The following KRT26 variants were observed in gnomAD, a reference collection of about 807,000 sequenced individuals.
The protein encoded by KRT26 is keratin, type I cytoskeletal 26.
Under a neutral mutation model 46.1 loss-of-function variants are expected in KRT26, and 45 were observed. The observed-to-expected ratio is 0.98, with a 90% CI of 0.77 to 1.25. KRT26 has a LOEUF of 1.25. KRT26 is among the 50% of genes most tolerant of loss of function. The pLI, the probability that KRT26 is intolerant of heterozygous loss-of-function variation, is 0.00. For missense variants in KRT26, 582 were observed against 560.1 expected, an observed-to-expected ratio of 1.04 and a Z score of -0.39; for synonymous variants, 191 against 209.9, an observed-to-expected ratio of 0.91 and a Z score of 0.78.
chr17:40,770,089 TC>T lies in KRT26; in HGVS notation c.714del (p.Asn239ThrfsTer2), dbSNP rs1007245915. 1.9e-6 allele frequency: 3 copies of T among 1,614,022 alleles called. No homozygotes were observed. Among genetic ancestry groups the T allele is most frequent in the Non-Finnish European group, 8.5e-7 (1 of 1,179,986 alleles). On this transcript the variant is annotated frameshift_variant, in exon 4 of 8. Coordinates refer to ENST00000335552, the Ensembl canonical transcript of KRT26. LOFTEE classifies it high-confidence loss of function. ...GTTGCATTCATCTCCACGTTCACGTTCCCCCCAGCTGTATATTGCAAGACTT... is the reference window on the plus strand; with the variant it reads ...GTTGCATTCATCTCCACGTTCACGTTCCCCCAGCTGTATATTGCAAGACTT...
chr17:40,767,699 G>C (rs774915568), intron 6 of KRT26, 46 bp from the exon 7 acceptor site: 1 of 1,095,930 alleles, frequency 9.1e-7, no homozygotes, highest in Admixed American at 2.0e-5. Context: ...TCTTTCCTTA[G>C]TGAGCTTATA....
chr17:40,770,389 A>G lies in KRT26; in HGVS notation c.545T>C (p.Leu182Pro), dbSNP rs2038213305. The change falls in exon 3 of 8, where the codon CTG (leucine) becomes CCG (proline). Residue 182 changes from leucine to proline, a missense_variant. Physicochemically the swap from Leu to Pro is moderately conservative, Grantham distance 98. Transcript: ENST00000335552. ...GGTGTCGGCCTCAACACTGTGGTGC[A>G]GAGCCAGCTCATTTTCATACCTGAA... 3.8e-6 allele frequency: 6 copies of G among 1,598,258 alleles called. No homozygotes were observed. In the South Asian group the frequency reaches 6.8e-5, roughly 18 times the overall value.
exon 6 of KRT26, chr17:40,769,016 C>T (rs769673190): frequency 6.2e-7 from 1 of 1,613,962 alleles, no homozygotes; most frequent in Non-Finnish European, 8.5e-7. Context: ...CCTCCATCAC[C>T]CCTATCTGAT....
At chr17:40,769,844 C>T (rs1164590318) in exon 5 of KRT26, 2 of 1,614,070 alleles carry the variant, frequency 1.2e-6, no homozygotes, top group African/African-American at 1.3e-5. Flanking sequence ...TGGCTGCTCC[C>T]TCATGATCGG....
At position 40,771,246 on chromosome 17, in the gene KRT26, G is replaced by A. The variant is rs1252247989; in HGVS notation, c.442-10C>T. The stretch of plus-strand genomic sequence containing the variant: ...TGGTCGCAGAAATAATCTAAATAGG[G>A]AAGATTGTGAAAAATGTTAATTACC... On this transcript the variant is annotated splice_polypyrimidine_tract_variant and intron_variant, in intron 1 of 7. Transcript: ENST00000335552. 2 of 1,504,962 alleles carry A rather than the reference G, an allele frequency of 1.3e-6. No homozygotes were observed. The highest frequency in any genetic ancestry group is 1.8e-6 in the Non-Finnish European group (2 of 1,088,798). The allele number at this position is 1,504,962 out of a possible 1,614,324, so 93.2% of individuals were successfully genotyped here.
intron 1 of KRT26, 63 bp downstream of exon 1, chr17:40,771,610 C>A: frequency 1.4e-6 from 2 of 1,434,692 alleles, no homozygotes; most frequent in Non-Finnish European, 9.5e-7. Flanking sequence ...TTTATATTTT[C>A]TCTTCTTTAA....
exon 5 of KRT26, chr17:40,769,794 A>G: frequency 6.2e-7 from 1 of 1,614,160 alleles, no homozygotes; most frequent in Middle Eastern, 1.6e-4. Flanking sequence ...CAGGGTTTGC[A>G]GATTGCGTTT....
chr17:40,770,532 T>C (rs1243989201), intron 2 of KRT26, 123 bp from the exon 3 acceptor site: 1 of 684,552 alleles, frequency 1.5e-6, no homozygotes, highest in Non-Finnish European at 2.4e-6. Context: ...CTTCTTGCAA[T>C]GGCAAACTGC....
intron 7 of KRT26, 96 bp downstream of exon 7, chr17:40,767,490 A>T (rs2038181020): frequency 1.4e-6 from 1 of 701,074 alleles, no homozygotes; most frequent in Non-Finnish European, 2.3e-6. Flanking sequence ...AAGTAAACTT[A>T]AAAACAAATT....
exon 6 of KRT26, chr17:40,769,084 C>G (rs1482511300): frequency 6.2e-7 from 1 of 1,612,402 alleles, no homozygotes; most frequent in South Asian, 1.1e-5. Flanking sequence ...AAGGAGCATT[C>G]ATAGGAATGT....
exon 8 of KRT26, chr17:40,766,596 C>T: frequency 6.2e-7 from 1 of 1,613,120 alleles, no homozygotes; most frequent in South Asian, 1.1e-5. Context: ...AGTGGACTCT[C>T]AGTGAAAGGA....
exon 1 of KRT26, chr17:40,771,862 C>T: frequency 5.6e-6 from 9 of 1,614,162 alleles, no homozygotes; most frequent in Non-Finnish European, 7.6e-6. Context: ...GCATGGTCAC[C>T]TTTTCATTCC....
At chr17:40,769,722 A>T in intron 5 of KRT26, 32 bp downstream of exon 5, 10 of 1,611,554 alleles carry the variant, frequency 6.2e-6, no homozygotes, top group Non-Finnish European at 8.5e-6. Flanking sequence ...ATATTCACAC[A>T]TATATTCAAT....
chr17:40,766,392 A>G, exon 8 of KRT26: 1 of 742,634 alleles, frequency 1.3e-6, no homozygotes, highest in Non-Finnish European at 2.1e-6. Flanking sequence ...AGCCCTTTTA[A>G]GAACAGAAAT....
chr17:40,768,717 G>A (rs1219028273), intron 6 of KRT26, among the ~76,000 whole-genome samples, 162 bp downstream of exon 6: 1 of 151,932 alleles, frequency 6.6e-6, no homozygotes, highest in Non-Finnish European at 1.5e-5. Context: ...TCAAATTTCT[G>A]CATGTTTTAA....
chr17:40,771,067 G>T, intron 2 of KRT26, 87 bp downstream of exon 2: 1 of 692,454 alleles, frequency 1.4e-6, no homozygotes, highest in Non-Finnish European at 2.3e-6. Flanking sequence ...AAAACATTTT[G>T]GTTTTCAAAG....
chr17:40,769,012 T>C (rs1172884694), exon 6 of KRT26: 16 of 1,613,960 alleles, frequency 9.9e-6, no homozygotes, highest in Admixed American at 1.7e-5. Flanking sequence ...TGTTCCTCCA[T>C]CACCCCTATC....
At chr17:40,769,464 T>G (rs562074645) in intron 5 of KRT26, among the ~76,000 whole-genome samples, 1 of 152,158 alleles carries the variant, frequency 6.6e-6, no homozygotes, top group Non-Finnish European at 1.5e-5. Flanking sequence ...GCCGGCATGG[T>G]CATATTTTAA....
intron 7 of KRT26, among the ~76,000 whole-genome samples, chr17:40,767,152 C>T (rs2038178787): frequency 6.6e-6 from 1 of 152,144 alleles, no homozygotes; most frequent in South Asian, 2.1e-4. Flanking sequence ...CTTATATTTG[C>T]CACTGCTTTT....
Sources: allele counts gnomAD v4.1 joint callset (sites outside exome capture counted in the v4.1 genomes callset), GRCh38; gene constraint gnomAD v4.1.1; transcripts MANE v1.5; gene names NCBI Gene and HGNC (gene_info 2026-07-23, HGNC 2026-07-21).